The following LRCH2 variants were observed in gnomAD, a reference collection of about 807,000 sequenced individuals.
The protein encoded by LRCH2 is leucine rich repeats and calponin homology domain containing 2.
A neutral mutation model predicts 68.9 loss-of-function variants in LRCH2; 38 were observed. The observed-to-expected ratio is 0.55, with a 90% CI of 0.43 to 0.72. LRCH2 has a LOEUF of 0.72. Ranked by LOEUF, LRCH2 falls within the 30% of genes least tolerant of loss-of-function variation. The pLI is 0.00. For missense variants in LRCH2, 528 were observed against 572.9 expected (o/e 0.92, Z 0.80); for synonymous variants, 191 against 208.1 (o/e 0.92, Z 0.71).
At chrX:115,189,146 A>G (rs1556555801) in intron 1 of LRCH2, among the ~76,000 whole-genome samples, 1 of 111,784 alleles carries the variant, frequency 8.9e-6, no homozygotes, top group Admixed American at 9.4e-5. Flanking sequence ...CCACCATATC[A>G]ATAACCATTC....
At chrX:115,165,797 G>T in intron 8 of LRCH2, 44 bp downstream of exon 8, 1 of 1,006,223 alleles carries the variant, frequency 9.9e-7, no homozygotes, top group East Asian at 3.4e-5. Flanking sequence ...TTTTAATGTG[G>T]GCTATGTACA....
intron 16 of LRCH2, among the ~76,000 whole-genome samples, chrX:115,125,506 T>C (rs1451278495): frequency 0.05 from 7 of 140 alleles, no homozygotes; most frequent in Non-Finnish European, 0.1. Context: ...TATATATATA[T>C]ATATATATAT....
At chrX:115,170,530 C>T in intron 5 of LRCH2, 98 bp from the exon 6 acceptor site, 1 of 764,390 alleles carries the variant, frequency 1.3e-6, no homozygotes, top group South Asian at 5.6e-5. Flanking sequence ...ATTGAGACAT[C>T]ACAATCTTGA....
chrX:115,188,063 A>T (rs1446996383), intron 2 of LRCH2, among the ~76,000 whole-genome samples, 163 bp downstream of exon 2: 4 of 112,658 alleles, frequency 3.6e-5, no homozygotes, highest in Non-Finnish European at 7.5e-5. Flanking sequence ...TCTCAAGAAC[A>T]AGACAAAAGC....
chrX:115,113,787 A>G (rs1249128458), intron 20 of LRCH2, among the ~76,000 whole-genome samples: 1 of 111,337 alleles, frequency 9.0e-6, no homozygotes, highest in Non-Finnish European at 1.9e-5. Context: ...CTTTCTGGGA[A>G]CCTTACTCCT....
intron 14 of LRCH2, among the ~76,000 whole-genome samples, chrX:115,133,473 T>G (rs2072263417): frequency 8.9e-6 from 1 of 112,198 alleles, no homozygotes; most frequent in Non-Finnish European, 1.9e-5. Context: ...CACAATTTTT[T>G]AAATGTGCAA....
intron 14 of LRCH2, among the ~76,000 whole-genome samples, chrX:115,143,598 G>A (rs782479845): frequency 8.1e-5 from 9 of 111,342 alleles, no homozygotes; most frequent in Non-Finnish European, 1.7e-4. Context: ...TCAAAAAATT[G>A]AAGAGGAGGG....
intron 1 of LRCH2, among the ~76,000 whole-genome samples, chrX:115,205,370 T>C (rs1174425257): frequency 1.8e-5 from 2 of 112,252 alleles, no homozygotes; most frequent in Middle Eastern, 4.6e-3. Flanking sequence ...ACTGTGATGA[T>C]GCATACATGA....
chrX:115,192,650 G>T (rs1556561644), intron 1 of LRCH2: 2 of 1,166,838 alleles, frequency 1.7e-6, no homozygotes. Context: ...TACTAAGCAG[G>T]AACAGACTTG....
chrX:115,126,109 G>C (rs955813906), intron 16 of LRCH2, among the ~76,000 whole-genome samples: 2 of 111,673 alleles, frequency 1.8e-5, no homozygotes, highest in African/African-American at 6.5e-5. Context: ...TTCATCAAAT[G>C]AATGTGTAAT....
rs782339843 is a variant in LRCH2 at position 115,170,539 on chromosome X, G to T, written c.865-107C>A. The T allele has an allele frequency of 5.3e-4, 382 of 726,603 alleles. No homozygotes were observed. In the South Asian group the frequency reaches 8.4e-3, roughly 16 times the overall value. 59.9% of individuals were successfully genotyped at this position (726,603 alleles called of 1,213,427 possible). ...AATTACATTGAGACATCACAATCTTGATTGATACTTTGCATATTTAAATAA... is the reference window on the plus strand; with the variant it reads ...AATTACATTGAGACATCACAATCTTTATTGATACTTTGCATATTTAAATAA... On this transcript the variant is annotated intron_variant, in intron 5 of 20. Coordinates refer to ENST00000317135, the MANE Select transcript of LRCH2 (RefSeq NM_020871.4).
At chrX:115,145,066 C>CA (rs2072370195) in intron 14 of LRCH2, among the ~76,000 whole-genome samples, 1 of 111,512 alleles carries the variant, frequency 9.0e-6, no homozygotes, top group Admixed American at 9.6e-5. Flanking sequence ...CTATGGTAAC[C>CA]AAAACATCAT....
chrX:115,215,768 T>C (rs2073037483), intron 1 of LRCH2, among the ~76,000 whole-genome samples: 1 of 8,106 alleles, frequency 1.2e-4, no homozygotes. Context: ...AGACTCCATC[T>C]CAAAAAAAAA....
At chrX:115,116,950 C>A (rs1465344417) in intron 20 of LRCH2, among the ~76,000 whole-genome samples, 2 of 110,914 alleles carry the variant, frequency 1.8e-5, no homozygotes, top group African/African-American at 6.5e-5. Flanking sequence ...GAAGATCCTG[C>A]TCCTTGAAAG....
intron 12 of LRCH2, among the ~76,000 whole-genome samples, chrX:115,154,578 A>C (rs782154254): frequency 5.8e-4 from 65 of 111,991 alleles, no homozygotes; most frequent in Non-Finnish European, 7.7e-4. Context: ...ATTACAAAAG[A>C]AGCAATATAG....
chrX:115,163,081 G>C (rs1556542683), intron 11 of LRCH2, among the ~76,000 whole-genome samples: 1 of 111,379 alleles, frequency 9.0e-6, no homozygotes, highest in African/African-American at 3.3e-5. Context: ...CTAGCCAAAA[G>C]ATGAGGAAAA....
chrX:115,164,418 G>A lies in LRCH2; in HGVS notation c.1356-635C>T, dbSNP rs782782419. Among the ~76,000 whole-genome samples, 7 of 111,136 alleles carry A rather than the reference G, an allele frequency of 6.3e-5. No individual in the cohort carries two copies. The South Asian group carries it at 2.6e-3, about 42-fold the overall frequency. On this transcript the variant is annotated intron_variant, in intron 10 of 20. Coordinates refer to ENST00000317135, the MANE Select transcript of LRCH2 (RefSeq NM_020871.4). ...TGAATCTTTGTGACTTTACCACATCGTACATGCTACAGGTGTTTCTCAAGT... is the reference window on the plus strand; with the variant it reads ...TGAATCTTTGTGACTTTACCACATCATACATGCTACAGGTGTTTCTCAAGT...
rs370737299 is a variant in LRCH2 at position 115,207,775 on chromosome X, T to C, written c.350-19405A>G. 1.6e-4 allele frequency among the ~76,000 whole-genome samples: 18 copies of C among 112,248 alleles called. No individual in the cohort carries two copies. In the South Asian group the frequency reaches 6.7e-3, roughly 42 times the overall value. The stretch of plus-strand genomic sequence containing the variant: ...GATATCAGACCCTAATTCTGGAATC[T>C]GTGAGTGTTATCTTATATGCTAAAG... On this transcript the variant is annotated intron_variant, in intron 1 of 20. Transcript: ENST00000317135.
At chrX:115,121,077 C>T (rs1201496984) in intron 20 of LRCH2, among the ~76,000 whole-genome samples, 9 of 107,356 alleles carry the variant, frequency 8.4e-5, no homozygotes, top group Non-Finnish European at 1.5e-4. Context: ...TGCTAGATGA[C>T]GAGTTAGTGG....
Sources: gnomAD v4.1 joint callset for allele counts (sites outside exome capture counted in the v4.1 genomes callset) on GRCh38, gnomAD v4.1.1 for gene constraint, MANE v1.5 for transcripts, NCBI Gene and HGNC (gene_info 2026-07-23, HGNC 2026-07-21) for gene names.